ICE1: variants seen among roughly 807,000 people sequenced by gnomAD.
ICE1 encodes interactor of little elongation complex ELL subunit 1.
ICE1 carries 64 observed loss-of-function variants against 192.7 expected under a neutral mutation model. The observed-to-expected ratio is 0.33, with a 90% CI of 0.27 to 0.41. ICE1 has a LOEUF of 0.41. Ranked by LOEUF, ICE1 falls within the 10% of genes least tolerant of loss-of-function variation. ICE1 has a pLI of 1.00. For missense variants in ICE1, 2,708 were observed against 2,696.0 expected (o/e 1.00, Z -0.10); for synonymous variants, 1,010 against 984.5 (o/e 1.03, Z -0.49).
At chr5:5,438,785 A>C (rs1295458331) in intron 3 of ICE1, among the ~76,000 whole-genome samples, 2 of 152,218 alleles carry the variant, frequency 1.3e-5, no homozygotes, top group Non-Finnish European at 2.9e-5. Flanking sequence ...AACGGATAAC[A>C]CTTTTGATTA....
At chr5:5,436,938 G>GAT in intron 2 of ICE1, 142 bp from the exon 3 acceptor site, 1 of 629,594 alleles carries the variant, frequency 1.6e-6, no homozygotes, top group Non-Finnish European at 2.8e-6. Flanking sequence ...AATTTAAGGT[G>GAT]ATATAGTCAT....
At chr5:5,488,967 C>G (rs1019150632) in intron 18 of ICE1, among the ~76,000 whole-genome samples, 182 bp from the exon 19 acceptor site, 2 of 152,110 alleles carry the variant, frequency 1.3e-5, no homozygotes, top group South Asian at 4.2e-4. Flanking sequence ...TCTGGCTTTT[C>G]TTCTTTTTTA....
At chr5:5,441,855 GTC>G (rs1361858677) in intron 5 of ICE1, among the ~76,000 whole-genome samples, 1 of 152,060 alleles carries the variant, frequency 6.6e-6, no homozygotes, top group African/African-American at 2.4e-5. Context: ...GTCATGTATA[GTC>G]TCTTGTGGTT....
intron 17 of ICE1, among the ~76,000 whole-genome samples, chr5:5,479,141 T>C (rs1340349169): frequency 2.6e-5 from 4 of 152,126 alleles, no homozygotes; most frequent in Non-Finnish European, 4.4e-5. Flanking sequence ...CAAAAGAAAC[T>C]ACCGTCAGAA....
Position 5,463,079 on chromosome 5 carries a change from A to T in ICE1, c.3745A>T (p.Ser1249Cys), listed in dbSNP as rs781336096. 6.2e-7 allele frequency: 1 copy of T among 1,613,608 alleles called. No individual in the cohort carries two copies. Among genetic ancestry groups the T allele is most frequent in the Non-Finnish European group, 8.5e-7 (1 of 1,179,754 alleles). ...EEDDYSLKNTSQLTQCSLETL... is the reference protein window; with the variant it reads ...EEDDYSLKNTCQLTQCSLETL... ...AGATGATTATTCGTTAAAAAATACA[A>T]GTCAGCTCACTCAGTGTTCTTTGGA... Residue 1249 changes from serine to cysteine, a missense_variant, in exon 13 of 19, where the codon AGT (serine) becomes TGT (cysteine). Physicochemically the swap from Ser to Cys is moderately radical, Grantham distance 112. Coordinates refer to ENST00000296564, the MANE Select transcript of ICE1 (RefSeq NM_015325.3).
intron 11 of ICE1, among the ~76,000 whole-genome samples, chr5:5,455,446 A>G (rs773959262): frequency 3.3e-5 from 5 of 152,142 alleles, no homozygotes; most frequent in Non-Finnish European, 7.4e-5. Context: ...ATAATTTATC[A>G]ATTCATCTGT....
chr5:5,453,927 T>TA (rs553499384), intron 10 of ICE1, among the ~76,000 whole-genome samples: 130 of 152,324 alleles, frequency 8.5e-4, no homozygotes, highest in Middle Eastern at 3.4e-3. Flanking sequence ...ACTTTCCTTA[T>TA]AAAAGTATGT....
chr5:5,464,260 A>C lies in ICE1; in HGVS notation c.4926A>C (p.Thr1642=), dbSNP rs1340085028. The change falls in exon 13 of 19, where the codon ACA becomes ACC. Residue 1642 remains threonine (T), a synonymous_variant. Transcript: ENST00000296564. The surrounding 1 kb of genome is among the most constrained non-coding windows in gnomAD (Gnocchi z 4.0). ...CTCTGCTTGCTCCTCTGATAGCTAC[A>C]CCTCCAAGGACTTCACAGCCACTGT... is the stretch of plus-strand genomic sequence containing the variant. ...LPPLLAPLIA[T]PPRTSQPLSP... is the part of the protein sequence containing the mutation. 1 of 1,613,096 alleles carries C rather than the reference A, an allele frequency of 6.2e-7. No homozygotes were observed. The highest frequency in any genetic ancestry group is 2.2e-5 in the East Asian group (1 of 44,806).
In ICE1 at chr5:5,486,129, G is replaced by A. The variant is rs115382490; in HGVS notation, c.6521-592G>A. Reference sequence around the variant, plus strand: ...AGCATGTTACAGAGTTCTGTGCTTAGGGGTCCAGGTTTAGTGAGAGTAATT... The same window carrying A: ...AGCATGTTACAGAGTTCTGTGCTTAAGGGTCCAGGTTTAGTGAGAGTAATT... On this transcript the variant is annotated intron_variant, in intron 17 of 18. Coordinates refer to ENST00000296564, the MANE Select transcript of ICE1 (RefSeq NM_015325.3). Among the ~76,000 whole-genome samples, 638 of 152,338 alleles carry A rather than the reference G, an allele frequency of 4.2e-3. 4 individuals are homozygous for A. The highest frequency in any genetic ancestry group is 0.015 in the African/African-American group (605 of 41,578).
In ICE1 at chr5:5,461,141, ACTTT is replaced by A; in HGVS notation, c.1808_1811del (p.Thr603LysfsTer18). ...GGAAAAAGAAGATACTCAAGGGTTC[ACTTT>A]AGGAGAATCACCTGAATCAGAAGAT... is the stretch of plus-strand genomic sequence containing the variant. On this transcript the variant is annotated frameshift_variant, in exon 13 of 19. Transcript: ENST00000296564. LOFTEE classifies it high-confidence loss of function. The A allele has an allele frequency of 6.2e-7, 1 of 1,614,036 alleles. No individual in the cohort carries two copies. The highest frequency in any genetic ancestry group is 8.5e-7 in the Non-Finnish European group (1 of 1,179,878).
intron 5 of ICE1, among the ~76,000 whole-genome samples, chr5:5,442,209 T>C (rs1332117818): frequency 1.3e-5 from 2 of 152,158 alleles, no homozygotes; most frequent in African/African-American, 4.8e-5. Flanking sequence ...TAGATTTAAG[T>C]GGTTTGCATG....
chr5:5,457,459 A>G lies in ICE1; in HGVS notation c.819A>G (p.Ile273Met). The change falls in exon 12 of 19, where the codon ATA becomes ATG. Residue 273 changes from isoleucine (I) to methionine (M), a missense_variant. Physicochemically the swap from Ile to Met is conservative, Grantham distance 10. Coordinates refer to ENST00000296564, the MANE Select transcript of ICE1 (RefSeq NM_015325.3). ...QTCLTKLSME[I>M]KEDFLCQNVE... ...GCCTCACAAAACTGTCCATGGAGAT[A>G]AAGGAGGACTTTTTATGTCAAAATG... 5 of 1,613,936 alleles carry G rather than the reference A, an allele frequency of 3.1e-6. No individual in the cohort carries two copies. The highest frequency in any genetic ancestry group is 4.2e-6 in the Non-Finnish European group (5 of 1,179,862).
intron 12 of ICE1, 33 bp from the exon 13 acceptor site, chr5:5,460,403 A>C (rs376268017): frequency 8.2e-6 from 10 of 1,220,260 alleles, no homozygotes; most frequent in Non-Finnish European, 1.1e-5. Flanking sequence ...CTGTTGAATT[A>C]GTGTTTGACA....
In ICE1 at chr5:5,462,894, A is replaced by G. The variant is rs1208968493; in HGVS notation, c.3560A>G (p.Tyr1187Cys). 6.2e-7 allele frequency: 1 copy of G among 1,609,012 alleles called. No homozygotes were observed. The highest frequency in any genetic ancestry group is 2.2e-5 in the East Asian group (1 of 44,844). Reference sequence around the variant, plus strand: ...CTTGAGAGCTGTCAGTTAGGGGATTATAGTTCAGGGGACTCTGTTTCTGAA... The same window carrying G: ...CTTGAGAGCTGTCAGTTAGGGGATTGTAGTTCAGGGGACTCTGTTTCTGAA... ...MFLESCQLGD[Y>C]SSGDSVSECS... The change falls in exon 13 of 19, where the codon TAT (tyrosine) becomes TGT (cysteine). Residue 1187 changes from tyrosine (Y) to cysteine (C), a missense_variant. This residue lies in a region of ICE1 where 2,366 missense variants were observed against 2,276.6 expected (regional missense o/e 1.04). Coordinates refer to ENST00000296564, the MANE Select transcript of ICE1 (RefSeq NM_015325.3).
chr5:5,451,962 G>A (rs1738431824), intron 10 of ICE1, among the ~76,000 whole-genome samples: 1 of 152,012 alleles, frequency 6.6e-6, no homozygotes, highest in South Asian at 2.1e-4. Flanking sequence ...TTAGAGTACA[G>A]ACAAATTATG....
chr5:5,437,271 C>T, intron 3 of ICE1, 157 bp downstream of exon 3: 1 of 524,082 alleles, frequency 1.9e-6, no homozygotes, highest in Non-Finnish European at 3.4e-6. Flanking sequence ...AACAGACAGT[C>T]CTTTTATTCT....
chr5:5,457,632 A>T lies in ICE1; in HGVS notation c.992A>T (p.Gln331Leu), dbSNP rs1738627338. The change falls in exon 12 of 19, where the codon CAA becomes CTA. Residue 331 changes from glutamine to leucine, a missense_variant. Around this residue, in one of 2 missense-constraint regions of ICE1, gnomAD observed 2,366 missense variants for 2,276.6 expected, o/e 1.04. Transcript: ENST00000296564. ...DHDHFFDEDL[Q>L]AAIDFFKLPP... ...GATCATTTTTTTGATGAAGATCTTC[A>T]AGCTGCAATTGACTTCTTCAAACTT... The T allele has an allele frequency of 3.1e-6, 5 of 1,613,826 alleles. No individual in the cohort carries two copies. Among genetic ancestry groups the T allele is most frequent in the Admixed American group, 1.7e-5 (1 of 60,002 alleles).
intron 1 of ICE1, among the ~76,000 whole-genome samples, chr5:5,430,189 G>T (rs918489799): frequency 4.6e-5 from 7 of 152,196 alleles, no homozygotes; most frequent in African/African-American, 1.7e-4. Flanking sequence ...GGTCAGAGGA[G>T]CCTGATCGCC....
Position 5,462,497 on chromosome 5 carries a change from A to C in ICE1, c.3163A>C (p.Thr1055Pro). Residue 1055 changes from threonine (T) to proline (P), a missense_variant, in exon 13 of 19, where the codon ACT becomes CCT. Thr to Pro is a conservative substitution (Grantham distance 38, BLOSUM62 -1). Coordinates refer to ENST00000296564, the MANE Select transcript of ICE1 (RefSeq NM_015325.3). Reference protein sequence around the residue: ...ANGLWKLKSTTPGGALPECFG... With the variant: ...ANGLWKLKSTPPGGALPECFG... ...TGGACTTTGGAAATTGAAATCTACA[A>C]CTCCCGGTGGTGCTTTGCCTGAGTG... The C allele has an allele frequency of 6.2e-7, 1 of 1,613,308 alleles. No individual in the cohort carries two copies. The highest frequency in any genetic ancestry group is 8.5e-7 in the Non-Finnish European group (1 of 1,179,708).
Sources: allele counts gnomAD v4.1 joint callset (sites outside exome capture counted in the v4.1 genomes callset), GRCh38; gene constraint gnomAD v4.1.1; regional missense constraint gnomAD v4.1.1; non-coding constraint Gnocchi (gnomAD v3.1); transcripts MANE v1.5; gene names NCBI Gene and HGNC (gene_info 2026-07-23, HGNC 2026-07-21).